TMPRSS11B: variants seen among roughly 807,000 people sequenced by gnomAD.
TMPRSS11B encodes the protein transmembrane serine protease 11B.
In TMPRSS11B, 53 loss-of-function variants were observed where a neutral mutation model predicts 44.7. The ratio of observed to expected loss-of-function variants is 1.19; its 90% confidence interval spans 0.95 to 1.49. The LOEUF is 1.49. TMPRSS11B is among the 40% of genes most tolerant of loss of function. The pLI, the probability that TMPRSS11B is intolerant of heterozygous loss-of-function variation, is 0.00. For missense variants in TMPRSS11B, 526 were observed against 494.8 expected, an observed-to-expected ratio of 1.06 and a Z score of -0.60; for synonymous variants, 140 against 159.2, an observed-to-expected ratio of 0.88 and a Z score of 0.91.
intron 5 of TMPRSS11B, 42 bp downstream of exon 5, chr4:68,234,421 A>C (rs1335166845): frequency 6.4e-7 from 1 of 1,569,866 alleles, no homozygotes; most frequent in Non-Finnish European, 8.6e-7. Flanking sequence ...ATAATCCAGA[A>C]AAAACCTATG....
At chr4:68,240,099 T>C (rs1317346107) in intron 2 of TMPRSS11B, among the ~76,000 whole-genome samples, 1 of 152,166 alleles carries the variant, frequency 6.6e-6, no homozygotes, top group Non-Finnish European at 1.5e-5. Context: ...TGAGAAATAA[T>C]AGATGTATTT....
In TMPRSS11B at chr4:68,229,108, A is replaced by G. The variant is rs542176842; in HGVS notation, c.946+149T>C. The G allele has an allele frequency of 1.4e-4, 136 of 961,550 alleles. No homozygotes were observed. The African/African-American group carries it at 2.1e-3, about 15-fold the overall frequency. The allele number at this position is 961,550 out of a possible 1,614,324, so 59.6% of individuals were successfully genotyped here. A position where few individuals can be genotyped will look rare whatever the true frequency, so the allele number is the denominator to read the frequency against. ...TATTTTAGGAAGTGAAGACAATTTG[A>G]CATCATGCTTTTTGTCCCACCACTT... On this transcript the variant is annotated intron_variant, in intron 8 of 9. Transcript: ENST00000332644.
rs528270358 is a variant in TMPRSS11B at position 68,234,377 on chromosome 4, A to T, written c.469+86T>A. The stretch of plus-strand genomic sequence containing the variant: ...CATATTTTTTTCCCGAATTACTAAA[A>T]CTCTTAGTTCACTTTTTAGTACTTT... On this transcript the variant is annotated intron_variant, in intron 5 of 9. Transcript: ENST00000332644. 8 of 1,436,406 alleles carry T rather than the reference A, an allele frequency of 5.6e-6. No homozygotes were observed. In the African/African-American group the frequency reaches 5.8e-5, roughly 10 times the overall value. The allele number at this position is 1,436,406 out of a possible 1,614,324, so 89.0% of individuals were successfully genotyped here.
intron 1 of TMPRSS11B, among the ~76,000 whole-genome samples, chr4:68,244,668 C>G (rs1275708011): frequency 6.6e-6 from 1 of 152,226 alleles, no homozygotes; most frequent in Non-Finnish European, 1.5e-5. Context: ...ACATTACTTA[C>G]AATTTTAAAA....
rs773364793 is a variant in TMPRSS11B at position 68,235,997 on chromosome 4, C to T, written c.308+5G>A. Reference sequence around the variant, plus strand: ...TCATAAAATCTTAAATGAACTTGTACTTACAGAAGTTTGATGACCTCAGAT... The same window carrying T: ...TCATAAAATCTTAAATGAACTTGTATTTACAGAAGTTTGATGACCTCAGAT... On this transcript the variant is annotated splice_donor_5th_base_variant and intron_variant, in intron 4 of 9. Coordinates refer to ENST00000332644, the MANE Select transcript of TMPRSS11B (RefSeq NM_182502.3). 2 of 1,538,222 alleles carry T rather than the reference C, an allele frequency of 1.3e-6. No individual in the cohort carries two copies. Among genetic ancestry groups the T allele is most frequent in the Non-Finnish European group, 8.8e-7 (1 of 1,139,630 alleles).
In TMPRSS11B at chr4:68,228,744, G is replaced by T. The variant is rs1212211020; in HGVS notation, c.1087C>A (p.Gln363Lys). 2 of 1,608,514 alleles carry T rather than the reference G, an allele frequency of 1.2e-6. No homozygotes were observed. The highest frequency in any genetic ancestry group is 3.4e-5 in the Admixed American group (2 of 59,082). Reference sequence around the variant, plus strand: ...CTGGATAATGTAACTAGACATACCTGACATGCATCAGCTTCTCCTGACATA... The same window carrying T: ...CTGGATAATGTAACTAGACATACCTTACATGCATCAGCTTCTCCTGACATA... ...GFMSGEADAC[Q>K]NDSGGPLAYP... Residue 363 changes from glutamine (Q) to lysine (K), a missense_variant and splice_region_variant, in exon 9 of 10, where the codon CAG (glutamine) becomes AAG (lysine). Physicochemically the swap from Gln to Lys is moderately conservative, Grantham distance 53. Transcript: ENST00000332644.
intron 8 of TMPRSS11B, 84 bp downstream of exon 8, chr4:68,229,173 T>C: frequency 7.6e-7 from 1 of 1,316,114 alleles, no homozygotes; most frequent in Non-Finnish European, 1.0e-6. Context: ...ATTAATTGCA[T>C]GAGGGGATGA....
chr4:68,238,081 A>G (rs1197632155), intron 2 of TMPRSS11B, among the ~76,000 whole-genome samples: 1 of 152,166 alleles, frequency 6.6e-6, no homozygotes, highest in East Asian at 1.9e-4. Context: ...GTAATTAGCC[A>G]TTCCTGTATT....
intron 7 of TMPRSS11B, among the ~76,000 whole-genome samples, chr4:68,230,572 GGCAGGCGGATCAC>G (rs529945505): frequency 1.8e-3 from 279 of 152,222 alleles, no homozygotes; most frequent in Middle Eastern, 0.01. Flanking sequence ...GGGAGGCTGA[GGCAGGCGGATCAC>G]TTAAGGTCAG....
intron 2 of TMPRSS11B, among the ~76,000 whole-genome samples, 189 bp downstream of exon 2, chr4:68,241,500 T>C (rs537051343): frequency 6.6e-6 from 1 of 152,284 alleles, no homozygotes; most frequent in Non-Finnish European, 1.5e-5. Flanking sequence ...TAGTTAGTGA[T>C]ATAATTTACA....
intron 4 of TMPRSS11B, among the ~76,000 whole-genome samples, chr4:68,235,030 A>G (rs1719622455): frequency 6.6e-6 from 1 of 152,172 alleles, no homozygotes; most frequent in Non-Finnish European, 1.5e-5. Flanking sequence ...TCAAAAGACA[A>G]TTTCCAGCAT....
chr4:68,232,289 A>G (rs1246369438), intron 6 of TMPRSS11B, 89 bp downstream of exon 6: 3 of 1,277,956 alleles, frequency 2.3e-6, no homozygotes, highest in East Asian at 4.7e-5. Context: ...GGATTTCCAC[A>G]TGACATATTT....
chr4:68,239,264 G>C (rs544489984), intron 2 of TMPRSS11B, among the ~76,000 whole-genome samples: 1 of 144,786 alleles, frequency 6.9e-6, no homozygotes, highest in Non-Finnish European at 1.5e-5. Context: ...GCTCTCTCTC[G>C]CGCGCGCGCT....
At chr4:68,238,502 C>A (rs1365259512) in intron 2 of TMPRSS11B, among the ~76,000 whole-genome samples, 2 of 151,212 alleles carry the variant, frequency 1.3e-5, no homozygotes, top group Non-Finnish European at 2.9e-5. Context: ...GTGAGAGGAT[C>A]ACTTGAGGTC....
chr4:68,239,302 T>C lies in TMPRSS11B; in HGVS notation c.124+2387A>G, dbSNP rs946912361. On this transcript the variant is annotated intron_variant, in intron 2 of 9. Transcript: ENST00000332644. ...CTCTCTCGCACTCTATCTCTCTCGC[T>C]CTCTCTCTCTTTCTCACTCACTCAC... 1.6e-3 allele frequency among the ~76,000 whole-genome samples: 236 copies of C among 152,118 alleles called. 1 individual carries two copies. Among genetic ancestry groups the C allele is most frequent in the African/African-American group, 5.5e-3 (229 of 41,538 alleles).
intron 2 of TMPRSS11B, among the ~76,000 whole-genome samples, chr4:68,237,330 G>A (rs1490835281): frequency 6.6e-6 from 1 of 152,044 alleles, no homozygotes; most frequent in Non-Finnish European, 1.5e-5. Flanking sequence ...TCTTTACCCA[G>A]TCTATCATTG....
chr4:68,231,284 ATGC>A lies in TMPRSS11B; in HGVS notation c.602_604del (p.Ser201del). 6.2e-7 allele frequency: 1 copy of A among 1,613,948 alleles called. No homozygotes were observed. Among genetic ancestry groups the A allele is most frequent in the Non-Finnish European group, 8.5e-7 (1 of 1,179,986 alleles). On this transcript the variant is annotated inframe_deletion, in exon 7 of 10. Transcript: ENST00000332644. ...ACAGTAGTGACGGCCTTTCCATTGC[ATGC>A]TGGCCTGCCATGGCCATGCCCCCTC...
chr4:68,241,654 A>G (rs1002098077), intron 2 of TMPRSS11B, 35 bp downstream of exon 2: 1 of 1,298,268 alleles, frequency 7.7e-7, no homozygotes, highest in Non-Finnish European at 1.1e-6. Flanking sequence ...AAAGATTTAT[A>G]GCAAGGATGA....
In TMPRSS11B at chr4:68,241,688, C is replaced by G; in HGVS notation, c.124+1G>C. ...GAAAACTGAAAATAATCAGTACTCACCAACTGCCAGAAAATGAACAAGAAG... is the reference window on the plus strand; with the variant it reads ...GAAAACTGAAAATAATCAGTACTCAGCAACTGCCAGAAAATGAACAAGAAG... On this transcript the variant is annotated splice_donor_variant, in intron 2 of 9. Transcript: ENST00000332644. LOFTEE classifies it high-confidence loss of function. 1 of 1,595,818 alleles carries G rather than the reference C, an allele frequency of 6.3e-7. No homozygotes were observed. The highest frequency in any genetic ancestry group is 1.3e-5 in the African/African-American group (1 of 74,478).
Sources: gnomAD v4.1 joint callset for allele counts (sites outside exome capture counted in the v4.1 genomes callset) on GRCh38, gnomAD v4.1.1 for gene constraint, MANE v1.5 for transcripts, NCBI Gene and HGNC (gene_info 2026-07-23, HGNC 2026-07-21) for gene names.